The following CEP63 variants were observed in gnomAD, a reference collection of about 807,000 sequenced individuals.
CEP63 encodes centrosomal protein of 63 kDa.
In CEP63, 84 loss-of-function variants were observed where a neutral mutation model predicts 89.1. The observed-to-expected ratio is 0.94, with a 90% CI of 0.79 to 1.13. The LOEUF (loss-of-function observed/expected upper bound fraction) is 1.13, where lower values mean the gene tolerates loss of function less well. Ranked by LOEUF, CEP63 falls within the 50% of genes most tolerant of loss-of-function variation. CEP63 has a pLI of 0.00. For synonymous variants in CEP63, 267 were observed against 272.5 expected (o/e 0.98, Z 0.20); for missense variants, 838 against 813.3 (o/e 1.03, Z -0.37).
the CEP63 span, among the ~76,000 whole-genome samples, chr3:134,697,910 G>C: frequency 6.6e-6 from 1 of 152,228 alleles, no homozygotes; most frequent in Non-Finnish European, 1.5e-5. Flanking sequence ...CCAGCTGGCT[G>C]GCAGGCGGGG....
At chr3:134,502,978 C>G (rs1473783884) in intron 2 of CEP63, among the ~76,000 whole-genome samples, 1 of 151,904 alleles carries the variant, frequency 6.6e-6, no homozygotes, top group African/African-American at 2.4e-5. Context: ...CTTTGTTTAC[C>G]CAAAAGCCAT....
chr3:134,505,994 G>T (rs1943349420), intron 2 of CEP63, among the ~76,000 whole-genome samples: 1 of 152,114 alleles, frequency 6.6e-6, no homozygotes. Context: ...CTTTTTTTGG[G>T]TTGTTTGCCT....
intron 7 of CEP63, 25 bp from the exon 8 acceptor site, chr3:134,546,124 A>G (rs776136510): frequency 2.5e-5 from 41 of 1,612,158 alleles, no homozygotes; most frequent in Admixed American, 2.3e-4. Flanking sequence ...AAGGAAAATT[A>G]TAATCATATT....
At chr3:134,671,265 A>G in the CEP63 span, among the ~76,000 whole-genome samples, 18 of 152,238 alleles carry the variant, frequency 1.2e-4, no homozygotes, top group Non-Finnish European at 8.8e-5. Context: ...ATTCTCACTT[A>G]TAAGTGGGAG....
At chr3:134,534,713 A>G (rs959796992) in intron 5 of CEP63, among the ~76,000 whole-genome samples, 7 of 152,080 alleles carry the variant, frequency 4.6e-5, no homozygotes, top group African/African-American at 1.7e-4. Context: ...ACCTAATCAT[A>G]CTGTCTGTTC....
chr3:134,721,173 A>G, the CEP63 span, among the ~76,000 whole-genome samples: 4 of 152,124 alleles, frequency 2.6e-5, no homozygotes, highest in Non-Finnish European at 5.9e-5. Context: ...TCAGCATACA[A>G]ATCATAAAAG....
chr3:134,719,159 G>A, the CEP63 span, among the ~76,000 whole-genome samples: 1 of 151,788 alleles, frequency 6.6e-6, no homozygotes, highest in Non-Finnish European at 1.5e-5. Context: ...TAGAAATGCA[G>A]CATCTTTTTT....
chr3:134,612,399 G>C, the CEP63 span, among the ~76,000 whole-genome samples: 2 of 152,220 alleles, frequency 1.3e-5, no homozygotes, highest in African/African-American at 4.8e-5. Context: ...TGCATACCTG[G>C]AGTGCTCTCT....
chr3:134,545,632 C>G lies in CEP63; in HGVS notation c.602C>G (p.Ser201Cys), dbSNP rs766191019. The change falls in exon 7 of 15, where the codon TCT becomes TGT. Residue 201 changes from serine to cysteine, a missense_variant. Physicochemically the swap from Ser to Cys is moderately radical, Grantham distance 112. Coordinates refer to ENST00000675561, the MANE Select transcript of CEP63 (RefSeq NM_001353108.3). ...RKQKLESVEL[S>C]SQSEIQHLSS... ...CAGAAATTAGAGTCTGTGGAACTTT[C>G]TAGCCAATCAGAAATTCAACACTTA... The G allele has an allele frequency of 4.3e-6, 7 of 1,613,994 alleles. No individual in the cohort carries two copies. The highest frequency in any genetic ancestry group is 1.3e-5 in the African/African-American group (1 of 74,916).
At chr3:134,777,608 AT>A in the CEP63 span, among the ~76,000 whole-genome samples, 64 of 100,184 alleles carry the variant, frequency 6.4e-4, no homozygotes, top group African/African-American at 2.3e-3. Context: ...AAAGAATAGA[AT>A]TTTTTTTTTT....
chr3:134,553,725 C>T (rs1955447605), intron 12 of CEP63, among the ~76,000 whole-genome samples: 1 of 152,166 alleles, frequency 6.6e-6, no homozygotes, highest in South Asian at 2.1e-4. Context: ...TAGAGGACAG[C>T]TTAGCAATAT....
chr3:134,777,645 G>A, the CEP63 span, among the ~76,000 whole-genome samples: 2 of 121,252 alleles, frequency 1.6e-5, no homozygotes, highest in Admixed American at 2.0e-4. Context: ...TTTAGATGGA[G>A]TTTTGCTCTG....
intron 1 of CEP63, among the ~76,000 whole-genome samples, chr3:134,493,482 T>A (rs963964911): frequency 7.2e-5 from 11 of 152,060 alleles, no homozygotes; most frequent in Non-Finnish European, 1.5e-4. Context: ...GGAACCTTTT[T>A]CTTTAGGTTT....
At chr3:134,549,019 A>T in intron 9 of CEP63, 43 bp from the exon 10 acceptor site, 1 of 1,202,150 alleles carries the variant, frequency 8.3e-7, no homozygotes, top group East Asian at 2.3e-5. Context: ...TATAGGTTTC[A>T]GGATTTTGGT....
At chr3:134,632,402 A>C in the CEP63 span, among the ~76,000 whole-genome samples, 1 of 152,066 alleles carries the variant, frequency 6.6e-6, no homozygotes, top group Non-Finnish European at 1.5e-5. Context: ...AACTGAAATC[A>C]TACAAAACTC....
the CEP63 span, chr3:134,603,405 C>A: frequency 3.4e-6 from 2 of 587,558 alleles, no homozygotes; most frequent in South Asian, 2.6e-5. Context: ...CTGAGTGAAG[C>A]CTTCAGAACA....
At chr3:134,627,943 C>G in the CEP63 span, 1 of 737,902 alleles carries the variant, frequency 1.4e-6, no homozygotes, top group South Asian at 1.6e-5. Context: ...TTCACAGTCT[C>G]CTTGTTCCCA....
the CEP63 span, among the ~76,000 whole-genome samples, chr3:134,626,221 A>C: frequency 1.3e-5 from 2 of 152,240 alleles, no homozygotes; most frequent in Admixed American, 1.3e-4. Flanking sequence ...TTCAGCCTCC[A>C]TGTCGGGAGC....
chr3:134,760,210 C>T, the CEP63 span, among the ~76,000 whole-genome samples: 5 of 151,998 alleles, frequency 3.3e-5, no homozygotes, highest in Admixed American at 1.3e-4. Flanking sequence ...AGGCGCCCGC[C>T]ACCACGCCCG....
Sources: gnomAD v4.1 joint callset for allele counts (sites outside exome capture counted in the v4.1 genomes callset) on GRCh38, gnomAD v4.1.1 for gene constraint, MANE v1.5 for transcripts, NCBI Gene and HGNC (gene_info 2026-07-23, HGNC 2026-07-21) for gene names.